PTPN13: variants seen among roughly 807,000 people sequenced by gnomAD.
PTPN13 encodes tyrosine-protein phosphatase non-receptor type 13.
A neutral mutation model predicts 284.0 loss-of-function variants in PTPN13; 191 were observed. That is an observed-to-expected ratio of 0.67 (90% confidence interval 0.60 to 0.76). The LOEUF (loss-of-function observed/expected upper bound fraction) is 0.76, where lower values mean the gene tolerates loss of function less well. Among genes scored for constraint, PTPN13 ranks in the 30% least tolerant of loss-of-function variants. The pLI is 0.00. For synonymous variants in PTPN13, 986 were observed against 1,022.3 expected (o/e 0.96, Z 0.68); for missense variants, 2,797 against 2,939.9 (o/e 0.95, Z 1.12).
intron 47 of PTPN13, 22 bp downstream of exon 47, chr4:86,811,130 T>C: frequency 6.3e-7 from 1 of 1,593,354 alleles, no homozygotes; most frequent in South Asian, 1.1e-5. Context: ...CTGGGCCTCC[T>C]AATGAGAATT....
Position 86,716,575 on chromosome 4 carries a change from C to T in PTPN13, c.1241C>T (p.Thr414Ile), listed in dbSNP as rs750706571. 9.4e-6 allele frequency: 15 copies of T among 1,599,758 alleles called. No individual in the cohort carries two copies. Among genetic ancestry groups the T allele is most frequent in the Non-Finnish European group, 1.3e-5 (15 of 1,173,350 alleles). Residue 414 changes from threonine to isoleucine, a missense_variant, in exon 8 of 48, where the codon ACC becomes ATC. Thr to Ile is a moderately conservative substitution (Grantham distance 89, BLOSUM62 -1). Coordinates refer to ENST00000411767, the MANE Select transcript of PTPN13 (RefSeq NM_080683.3). Reference protein sequence around the residue: ...YKTYHGDVFSTSSESPSIISS... With the variant: ...YKTYHGDVFSISSESPSIISS... ...ACTTATCATGGTGATGTCTTTAGTA[C>T]CTCCAGTGAAAGTCCATCTATTATT...
At chr4:86,794,866 T>G (rs1477547132) in intron 40 of PTPN13, among the ~76,000 whole-genome samples, 1 of 152,118 alleles carries the variant, frequency 6.6e-6, no homozygotes, top group East Asian at 1.9e-4. Context: ...TGAAACTGGA[T>G]CCCTTGCTTA....
At chr4:86,735,868 A>T in intron 15 of PTPN13, 122 bp downstream of exon 15, 3 of 809,036 alleles carry the variant, frequency 3.7e-6, no homozygotes, top group Non-Finnish European at 5.5e-6. Context: ...ATCTCATCTC[A>T]TTGCTGGCTA....
chr4:86,755,792 G>A (rs1483300971), intron 20 of PTPN13, among the ~76,000 whole-genome samples: 1 of 151,940 alleles, frequency 6.6e-6, no homozygotes, highest in African/African-American at 2.4e-5. Context: ...GCTAAAGCTG[G>A]GATGTTTAGT....
intron 23 of PTPN13, among the ~76,000 whole-genome samples, chr4:86,760,355 G>T (rs533943674): frequency 1.3e-5 from 2 of 152,232 alleles, no homozygotes; most frequent in African/African-American, 4.8e-5. Flanking sequence ...TTTACATTGG[G>T]TCCCATTATT....
At chr4:86,799,678 A>G (rs995569767) in intron 42 of PTPN13, among the ~76,000 whole-genome samples, 1 of 152,068 alleles carries the variant, frequency 6.6e-6, no homozygotes, top group Non-Finnish European at 1.5e-5. Flanking sequence ...ACAAAAATCA[A>G]TATTCATTAT....
rs1729733106 is a variant in PTPN13 at position 86,688,951 on chromosome 4, A to G, written c.361-54A>G. 6.4e-6 allele frequency: 9 copies of G among 1,403,750 alleles called. No individual in the cohort carries two copies. The African/African-American group carries it at 8.5e-5, about 13-fold the overall frequency. The allele number at this position is 1,403,750 out of a possible 1,614,324, so 87.0% of individuals were successfully genotyped here. On this transcript the variant is annotated intron_variant, in intron 4 of 47. Transcript: ENST00000411767. ...GATTCCTAGAATGATTTGTCTCATT[A>G]GAAAAAATATTTGCTCACATTTACT...
chr4:86,760,930 C>T (rs1738595637), intron 23 of PTPN13, among the ~76,000 whole-genome samples: 1 of 151,636 alleles, frequency 6.6e-6, no homozygotes, highest in African/African-American at 2.4e-5. Context: ...TTGTTAAGCA[C>T]CAAAGAGGAA....
intron 2 of PTPN13, among the ~76,000 whole-genome samples, chr4:86,654,008 T>C (rs1379456973): frequency 6.6e-6 from 1 of 152,156 alleles, no homozygotes; most frequent in Non-Finnish European, 1.5e-5. Context: ...ATAGCTCTTA[T>C]CACATTTAAA....
chr4:86,649,308 A>G (rs2148797973), intron 2 of PTPN13, among the ~76,000 whole-genome samples: 1 of 152,290 alleles, frequency 6.6e-6, no homozygotes, highest in Non-Finnish European at 1.5e-5. Context: ...TGTGCACGCC[A>G]GTGACCTAGG....
At position 86,767,919 on chromosome 4, in the gene PTPN13, G is replaced by A. The variant is rs1001237341; in HGVS notation, c.4432G>A (p.Gly1478Ser). Residue 1478 changes from glycine to serine, a missense_variant, in exon 28 of 48, where the codon GGC (glycine) becomes AGC (serine). Physicochemically the swap from Gly to Ser is moderately conservative, Grantham distance 56. Coordinates refer to ENST00000411767, the MANE Select transcript of PTPN13 (RefSeq NM_080683.3). ...TTCAGATCAGAATGCCCAAGGTCAA[G>A]GCCCAGAAAAAGTGAAGAAAACAAC... ...TLSDQNAQGQ[G>S]PEKVKKTTQV... 3.7e-6 allele frequency: 6 copies of A among 1,610,220 alleles called. No homozygotes were observed. In the African/African-American group the frequency reaches 8.0e-5, roughly 22 times the overall value.
At chr4:86,781,871 G>C (rs1178169804) in intron 36 of PTPN13, among the ~76,000 whole-genome samples, 1 of 151,502 alleles carries the variant, frequency 6.6e-6, no homozygotes, top group African/African-American at 2.4e-5. Context: ...GCTGAGGCAG[G>C]AGAATCGCTT....
intron 42 of PTPN13, 50 bp from the exon 43 acceptor site, chr4:86,803,659 G>T (rs879484183): frequency 6.3e-7 from 1 of 1,585,530 alleles, no homozygotes; most frequent in Non-Finnish European, 8.6e-7. Flanking sequence ...AGTTCACTTA[G>T]TTAAATTGGT....
intron 15 of PTPN13, among the ~76,000 whole-genome samples, chr4:86,739,919 C>A (rs1042994349): frequency 6.6e-6 from 1 of 152,206 alleles, no homozygotes; most frequent in Non-Finnish European, 1.5e-5. Context: ...GCAGGGCAGG[C>A]AAACCTTAAA....
At chr4:86,609,987 A>C (rs562781623) in intron 1 of PTPN13, among the ~76,000 whole-genome samples, 1 of 152,270 alleles carries the variant, frequency 6.6e-6, no homozygotes, top group South Asian at 2.1e-4. Context: ...CTAAGACTAA[A>C]TATGGAGTTA....
chr4:86,752,422 A>G (rs1173628201), intron 19 of PTPN13, among the ~76,000 whole-genome samples: 1 of 152,216 alleles, frequency 6.6e-6, no homozygotes, highest in East Asian at 1.9e-4. Context: ...AATTTCAGTC[A>G]GTTAAAAAAA....
intron 1 of PTPN13, among the ~76,000 whole-genome samples, chr4:86,625,824 C>T (rs999949905): frequency 3.9e-5 from 6 of 152,112 alleles, no homozygotes; most frequent in African/African-American, 1.4e-4. Flanking sequence ...CAGAATGCTG[C>T]TTAGCACACT....
intron 40 of PTPN13, among the ~76,000 whole-genome samples, chr4:86,788,536 C>T (rs1271577513): frequency 6.6e-6 from 1 of 152,084 alleles, no homozygotes; most frequent in East Asian, 1.9e-4. Context: ...AAGATTATAC[C>T]TCTGATAGCT....
intron 5 of PTPN13, among the ~76,000 whole-genome samples, chr4:86,692,464 C>T (rs1049994373): frequency 2.0e-5 from 3 of 152,102 alleles, no homozygotes; most frequent in Admixed American, 2.0e-4. Flanking sequence ...TAAAACATTT[C>T]TGTGGTATGT....
Sources: allele counts gnomAD v4.1 joint callset (sites outside exome capture counted in the v4.1 genomes callset), GRCh38; gene constraint gnomAD v4.1.1; transcripts MANE v1.5; gene names NCBI Gene and HGNC (gene_info 2026-07-23, HGNC 2026-07-21).